MACF1: variants seen among roughly 807,000 people sequenced by gnomAD.
MACF1 encodes the protein microtubule actin crosslinking factor 1, also known as microtubule-actin cross-linking factor 1.
In MACF1, 193 loss-of-function variants were observed where a neutral mutation model predicts 854.8. That is an observed-to-expected ratio of 0.23 (90% confidence interval 0.20 to 0.25). The LOEUF is 0.25. Ranked by LOEUF, MACF1 falls within the 10% of genes least tolerant of loss-of-function variation. The probability of loss-of-function intolerance (pLI) is 1.00; values close to 1 mark genes in which losing one functional copy is unlikely to be tolerated. For missense variants in MACF1, 7,722 were observed against 8,929.1 expected, an observed-to-expected ratio of 0.86 and a Z score of 5.45; for synonymous variants, 3,185 against 3,226.7, an observed-to-expected ratio of 0.99 and a Z score of 0.44.
chr1:39,451,151 T>C lies in MACF1; in HGVS notation c.20358T>C (p.Ala6786=). Residue 6786 remains alanine, a synonymous_variant, in exon 85 of 101, where the codon GCT becomes GCC. Coordinates refer to ENST00000564288, the MANE Select transcript of MACF1 (RefSeq NM_001394062.1). ...DWLYKVEPQL[A]EDQPVHGDLD... is the part of the protein sequence containing the mutation. Reference sequence around the variant, plus strand: ...TATACAAGGTGGAGCCACAGCTGGCTGAGGACCAGCCCGTGCACGGGGACC... The same window carrying C: ...TATACAAGGTGGAGCCACAGCTGGCCGAGGACCAGCCCGTGCACGGGGACC... The C allele has an allele frequency of 2.5e-6, 4 of 1,614,192 alleles. No homozygotes were observed. The highest frequency in any genetic ancestry group is 3.4e-6 in the Non-Finnish European group (4 of 1,180,012).
At chr1:39,115,730 A>T (rs1444317561) in intron 2 of MACF1, among the ~76,000 whole-genome samples, 5 of 152,132 alleles carry the variant, frequency 3.3e-5, no homozygotes, top group Non-Finnish European at 7.4e-5. Flanking sequence ...GTATATTGAG[A>T]CAAAAACTCT....
At chr1:39,365,965 C>T (rs1179938787) in intron 49 of MACF1, among the ~76,000 whole-genome samples, 2 of 152,154 alleles carry the variant, frequency 1.3e-5, no homozygotes, top group African/African-American at 4.8e-5. Context: ...CATGAGCCAC[C>T]TCACCTGGCC....
chr1:39,233,775 C>CTTT (rs11286953), intron 2 of MACF1, among the ~76,000 whole-genome samples: 596 of 36,450 alleles, frequency 0.016, 10 homozygotes, highest in South Asian at 0.029. Context: ...CTAGCCATAG[C>CTTT]TTTTTTTTTT....
intron 95 of MACF1, among the ~76,000 whole-genome samples, chr1:39,465,963 A>G (rs1644659425): frequency 6.6e-6 from 1 of 152,172 alleles, no homozygotes; most frequent in African/African-American, 2.4e-5. Context: ...CAATATGCCT[A>G]TTTGCTAATG....
rs1644263099 is a variant in MACF1 at position 39,448,013 on chromosome 1, T to TA, written c.19969-19dup. The TA allele has an allele frequency of 6.2e-7, 1 of 1,613,752 alleles. No homozygotes were observed. Among genetic ancestry groups the TA allele is most frequent in the Non-Finnish European group, 8.5e-7 (1 of 1,179,868 alleles). On this transcript the variant is annotated intron_variant, in intron 82 of 100. Coordinates refer to ENST00000564288, the MANE Select transcript of MACF1 (RefSeq NM_001394062.1). ...GTGTGTATATTCATTCCTGTTAACT[T>TA]ATTTCTTATGTAATTTTAGTTCCAT...
intron 2 of MACF1, among the ~76,000 whole-genome samples, chr1:39,175,674 C>T (rs114260798): frequency 0.014 from 2,146 of 152,120 alleles, 50 homozygotes; most frequent in African/African-American, 0.049. Flanking sequence ...TCCTCACTGC[C>T]GGGGGCAGTG....
At chr1:39,346,574 C>G (rs925412583) in intron 40 of MACF1, among the ~76,000 whole-genome samples, 60 of 147,686 alleles carry the variant, frequency 4.1e-4, no homozygotes, top group African/African-American at 1.2e-3. Flanking sequence ...GGCTGGAGTG[C>G]AGTAGTGCAG....
Position 39,429,330 on chromosome 1 carries a change from CT to C in MACF1, c.16888+7del, listed in dbSNP as rs766391483. 1.4e-5 allele frequency: 21 copies of C among 1,539,996 alleles called. No homozygotes were observed. Among genetic ancestry groups the C allele is most frequent in the Admixed American group, 3.4e-5 (2 of 59,422 alleles). On this transcript the variant is annotated splice_donor_5th_base_variant and intron_variant, in intron 64 of 100. Coordinates refer to ENST00000564288, the MANE Select transcript of MACF1 (RefSeq NM_001394062.1). Reference sequence around the variant, plus strand: ...GCTCTTCTAAAACAAACCACAGGTACTTTGAAAAGTGTGTCTCTTAGCACCC... The same window carrying C: ...GCTCTTCTAAAACAAACCACAGGTACTTGAAAAGTGTGTCTCTTAGCACCC...
At position 39,310,856 on chromosome 1, in the gene MACF1, G is replaced by C. The variant is rs138834555; in HGVS notation, c.3126G>C (p.Lys1042Asn). ...ENEDKEETVA[K>N]MYISELKNIR... The stretch of plus-strand genomic sequence containing the variant: ...AGGACAAAGAGGAGACTGTGGCCAA[G>C]ATGTACATTTCAGAGTTGAAGAACA... Residue 1042 changes from lysine to asparagine, a missense_variant, in exon 26 of 101, where the codon AAG becomes AAC. By Grantham distance (94) the Lys-to-Asn change is moderately conservative (BLOSUM62 0). Coordinates refer to ENST00000564288, the MANE Select transcript of MACF1 (RefSeq NM_001394062.1). 6.8e-6 allele frequency: 11 copies of C among 1,613,246 alleles called. No homozygotes were observed. The African/African-American group carries it at 1.5e-4, about 22-fold the overall frequency.
chr1:39,153,877 A>G (rs1205964614), intron 2 of MACF1, among the ~76,000 whole-genome samples: 3 of 152,186 alleles, frequency 2.0e-5, no homozygotes, highest in Non-Finnish European at 4.4e-5. Flanking sequence ...CACTGCTGCC[A>G]GGGGGAGACA....
At position 39,459,254 on chromosome 1, in the gene MACF1, T is replaced by G. The variant is rs151293171; in HGVS notation, c.21360+5T>G. On this transcript the variant is annotated splice_donor_5th_base_variant and intron_variant, in intron 91 of 100. Coordinates refer to ENST00000564288, the MANE Select transcript of MACF1 (RefSeq NM_001394062.1). ...GCCTTGGATCGGCTGGAGGAGGTAA[T>G]GCCCTGCTGAGTGGCCTTCCCTGAA... 1 of 1,606,152 alleles carries G rather than the reference T, an allele frequency of 6.2e-7. No individual in the cohort carries two copies. Among genetic ancestry groups the G allele is most frequent in the Admixed American group, 1.7e-5 (1 of 58,374 alleles).
chr1:39,432,827 A>G (rs1643897216), intron 67 of MACF1, among the ~76,000 whole-genome samples, 173 bp downstream of exon 67: 1 of 151,920 alleles, frequency 6.6e-6, no homozygotes. Flanking sequence ...TTGCTTTGTG[A>G]GAAAGGAAAA....
At chr1:39,259,348 G>A (rs1182210946) in intron 6 of MACF1, among the ~76,000 whole-genome samples, 1 of 151,942 alleles carries the variant, frequency 6.6e-6, no homozygotes, top group East Asian at 1.9e-4. Flanking sequence ...TGCAACCTCC[G>A]CCTCCTGGGT....
At chr1:39,358,895 G>T in intron 46 of MACF1, 22 bp downstream of exon 46, 1 of 1,590,160 alleles carries the variant, frequency 6.3e-7, no homozygotes, top group Non-Finnish European at 8.5e-7. Context: ...CACAGGCTGT[G>T]TTGTGGTGTC....
At chr1:39,469,972 C>T (rs1644746394) in intron 97 of MACF1, among the ~76,000 whole-genome samples, 1 of 152,058 alleles carries the variant, frequency 6.6e-6, no homozygotes, top group Non-Finnish European at 1.5e-5. Flanking sequence ...AATAATTTGC[C>T]CAAAGACAAA....
At chr1:39,161,117 C>T (rs1227517668) in intron 2 of MACF1, among the ~76,000 whole-genome samples, 1 of 152,086 alleles carries the variant, frequency 6.6e-6, no homozygotes, top group East Asian at 1.9e-4. Flanking sequence ...TTCCACTGCT[C>T]GTGCTTTTTC....
chr1:39,437,845 A>G lies in MACF1; in HGVS notation c.18057A>G (p.Pro6019=), dbSNP rs1475818456. 1.2e-6 allele frequency: 2 copies of G among 1,614,104 alleles called. No individual in the cohort carries two copies. The highest frequency in any genetic ancestry group is 1.7e-5 in the Admixed American group (1 of 60,012). The change falls in exon 71 of 101, where the codon CCA becomes CCG. Residue 6019 remains proline, a synonymous_variant. Coordinates refer to ENST00000564288, the MANE Select transcript of MACF1 (RefSeq NM_001394062.1). ...TTTCCTCTCGCCTGCGTATGCCACCACTGATCCCTGCTGAAGTAGACAAGA... is the reference window on the plus strand; with the variant it reads ...TTTCCTCTCGCCTGCGTATGCCACCGCTGATCCCTGCTGAAGTAGACAAGA... ...ENLSSRLRMP[P]LIPAEVDKIR... is the part of the protein sequence containing the mutation.
rs763217603 is a variant in MACF1 at position 39,285,145 on chromosome 1, A to C, written c.1194A>C (p.Glu398Asp). ...PQGYHPNDVE[E>D]EWGKLIIEML... ...GTTATCACCCTAATGATGTGGAAGA[A>C]GAGTGGGGAAAGCTCATCATAGAGA... The change falls in exon 12 of 101, where the codon GAA (glutamate) becomes GAC (aspartate). Residue 398 changes from glutamate to aspartate, a missense_variant. Around this residue, in one of 15 missense-constraint regions of MACF1, gnomAD observed 1,137 missense variants for 1,263.0 expected, o/e 0.90. Transcript: ENST00000564288. The C allele has an allele frequency of 1.2e-6, 2 of 1,614,226 alleles. No homozygotes were observed. Among genetic ancestry groups the C allele is most frequent in the Non-Finnish European group, 1.7e-6 (2 of 1,180,038 alleles).
chr1:39,293,003 AT>A (rs1392893711), intron 17 of MACF1, among the ~76,000 whole-genome samples, 160 bp downstream of exon 17: 1 of 152,200 alleles, frequency 6.6e-6, no homozygotes, highest in Non-Finnish European at 1.5e-5. Context: ...CTATTATAAC[AT>A]TTTCCCAATT....
Sources: gnomAD v4.1 joint callset for allele counts (sites outside exome capture counted in the v4.1 genomes callset) on GRCh38, gnomAD v4.1.1 for gene constraint, gnomAD v4.1.1 regional missense constraint, MANE v1.5 for transcripts, NCBI Gene and HGNC (gene_info 2026-07-23, HGNC 2026-07-21) for gene names.